Variants in CADM1 observed in about 807,000 individuals in gnomAD.
CADM1 encodes the protein TSLC-1.
Under a neutral mutation model 53.1 loss-of-function variants are expected in CADM1, and 15 were observed. That is an observed-to-expected ratio of 0.28 (90% confidence interval 0.19 to 0.44). The LOEUF (loss-of-function observed/expected upper bound fraction) is 0.44. Ranked by LOEUF, CADM1 falls within the 20% of genes least tolerant of loss-of-function variation. The pLI, the probability that CADM1 is intolerant of heterozygous loss-of-function variation, is 1.00. For synonymous variants in CADM1, 281 were observed against 243.0 expected, an observed-to-expected ratio of 1.16 and a Z score of -1.45; for missense variants, 434 against 611.3, an observed-to-expected ratio of 0.71 and a Z score of 3.06.
In CADM1 at chr11:115,175,241, C is replaced by T; in HGVS notation, c.*1233G>A. ...AATACCAGCCCTTCTTTTGTACCTC[C>T]TGCCTTTGTCAAGCCAAATCTGAAG... On this transcript the variant is annotated 3_prime_UTR_variant, in exon 12 of 12. Transcript: ENST00000331581. 3.0e-6 allele frequency: 3 copies of T among 985,822 alleles called. No individual in the cohort carries two copies. In the South Asian group the frequency reaches 1.4e-4, roughly 46 times the overall value. The allele number at this position is 985,822 out of a possible 1,614,324, so 61.1% of individuals were successfully genotyped here. A position where few individuals can be genotyped will look rare whatever the true frequency, so the allele number is the denominator to read the frequency against.
chr11:115,184,826 C>G (rs1047325994), intron 10 of CADM1, among the ~76,000 whole-genome samples: 12 of 152,362 alleles, frequency 7.9e-5, no homozygotes, highest in African/African-American at 2.9e-4. Context: ...GTACTGCACA[C>G]AGATTTTGGC....
At chr11:115,372,670 G>T (rs1037338226) in intron 1 of CADM1, among the ~76,000 whole-genome samples, 3 of 152,166 alleles carry the variant, frequency 2.0e-5, no homozygotes, top group African/African-American at 7.2e-5. Context: ...GTCATTTCCA[G>T]GCTAATTAAC....
intron 5 of CADM1, among the ~76,000 whole-genome samples, chr11:115,219,198 G>T (rs555524726): frequency 7.9e-5 from 12 of 152,100 alleles, no homozygotes; most frequent in Non-Finnish European, 1.5e-4. Flanking sequence ...ACAAGCTGTG[G>T]TTAGCTCATT....
chr11:115,218,912 G>T (rs551641176), intron 5 of CADM1, among the ~76,000 whole-genome samples: 12 of 152,250 alleles, frequency 7.9e-5, no homozygotes, highest in Non-Finnish European at 1.3e-4. Context: ...ACAGAAGTTG[G>T]AATTAACATA....
rs200501769 is a variant in CADM1, at chr11:115,310,010, TA to T, written c.125-69591del. ...TAATGCAGAATGGCATGGTACAAAC[TA>T]AAAATACCAACTTTGGCAAATGTAC... On this transcript the variant is annotated intron_variant, in intron 1 of 11. Transcript: ENST00000331581. Among the ~76,000 whole-genome samples the T allele has an allele frequency of 6.7e-3, 1,013 of 152,196 alleles. 16 individuals carry two copies. Among genetic ancestry groups the T allele is most frequent in the African/African-American group, 0.023 (968 of 41,540 alleles).
intron 1 of CADM1, among the ~76,000 whole-genome samples, chr11:115,423,916 T>G (rs1439141115): frequency 6.6e-6 from 1 of 152,204 alleles, no homozygotes; most frequent in Admixed American, 6.5e-5. Flanking sequence ...ATCTTCAGGT[T>G]GCCACAGCAA....
At chr11:115,386,209 A>G (rs546785285) in intron 1 of CADM1, among the ~76,000 whole-genome samples, 2 of 152,376 alleles carry the variant, frequency 1.3e-5, no homozygotes, top group Non-Finnish European at 2.9e-5. Flanking sequence ...AGAAAAGGAC[A>G]TGAGACTATT....
chr11:115,201,047 C>T (rs758674915), intron 8 of CADM1, among the ~76,000 whole-genome samples: 7 of 152,126 alleles, frequency 4.6e-5, no homozygotes, highest in Admixed American at 1.3e-4. Context: ...CTTCCCCGTT[C>T]TGGGGATGGG....
intron 1 of CADM1, among the ~76,000 whole-genome samples, chr11:115,414,372 T>A (rs1947537570): frequency 6.6e-6 from 1 of 152,064 alleles, no homozygotes; most frequent in African/African-American, 2.4e-5. Context: ...AGAAACCACT[T>A]AAAAAATTAA....
chr11:115,298,566 T>C (rs192526056), intron 1 of CADM1, among the ~76,000 whole-genome samples: 1 of 152,350 alleles, frequency 6.6e-6, no homozygotes, highest in African/African-American at 2.4e-5. Flanking sequence ...CGTATGTTCA[T>C]GAATCATTGA....
chr11:115,329,255 A>G (rs1945068194), intron 1 of CADM1, among the ~76,000 whole-genome samples: 1 of 152,158 alleles, frequency 6.6e-6, no homozygotes, highest in Admixed American at 6.5e-5. Context: ...AGTACCCAAG[A>G]TCAGGTCTTT....
At chr11:115,407,360 G>A (rs1947341961) in intron 1 of CADM1, among the ~76,000 whole-genome samples, 2 of 152,148 alleles carry the variant, frequency 1.3e-5, no homozygotes, top group African/African-American at 4.8e-5. Flanking sequence ...TGAACCGCTG[G>A]ATGAGTTCAA....
chr11:115,371,037 C>T (rs967703068), intron 1 of CADM1, among the ~76,000 whole-genome samples: 4 of 152,138 alleles, frequency 2.6e-5, no homozygotes, highest in Middle Eastern at 3.4e-3. Context: ...CAGCAACAGA[C>T]CCATATTTCA....
intron 1 of CADM1, among the ~76,000 whole-genome samples, chr11:115,278,620 C>T (rs1943507034): frequency 6.6e-6 from 1 of 152,220 alleles, no homozygotes; most frequent in Non-Finnish European, 1.5e-5. Context: ...TAAAGAGGTA[C>T]CACATTCCAC....
chr11:115,179,507 T>A (rs1230398709), intron 10 of CADM1, among the ~76,000 whole-genome samples: 3 of 152,234 alleles, frequency 2.0e-5, no homozygotes, highest in African/African-American at 4.8e-5. Flanking sequence ...AGGAACGACA[T>A]GTTTGGCTGG....
chr11:115,178,493 T>G lies in CADM1; in HGVS notation c.1297+151A>C, dbSNP rs868727493. ...AAGATTTCTGGTTTTGTTTTTTTTT[T>G]TTTTTTTCTCTTCTCTCTCTTCCAG... On this transcript the variant is annotated intron_variant, in intron 11 of 11. Coordinates refer to ENST00000331581, the MANE Select transcript of CADM1 (RefSeq NM_001301043.2). 2,173 of 757,250 alleles carry G rather than the reference T, an allele frequency of 2.9e-3. 65 individuals carry two copies. In the African/African-American group the frequency reaches 0.032, roughly 11 times the overall value. The allele number at this position is 757,250 out of a possible 1,614,324, so 46.9% of individuals were successfully genotyped here. A position where few individuals can be genotyped will look rare whatever the true frequency, so the allele number is the denominator to read the frequency against.
chr11:115,383,341 A>G lies in CADM1; in HGVS notation c.124+120930T>C, dbSNP rs190895347. ...GAAAGGAAATACATAAAACAGAATA[A>G]GTGAAAAGGTAACCAGCAGTTACAT... On this transcript the variant is annotated intron_variant, in intron 1 of 11. Coordinates refer to ENST00000331581, the MANE Select transcript of CADM1 (RefSeq NM_001301043.2). Among the ~76,000 whole-genome samples the G allele has an allele frequency of 4.0e-3, 605 of 152,360 alleles. 3 individuals carry two copies. Among genetic ancestry groups the G allele is most frequent in the African/African-American group, 0.014 (574 of 41,584 alleles).
intron 1 of CADM1, among the ~76,000 whole-genome samples, chr11:115,279,231 G>A (rs1943523951): frequency 6.6e-6 from 1 of 152,140 alleles, no homozygotes; most frequent in African/African-American, 2.4e-5. Flanking sequence ...ATTTCTAATT[G>A]TAATATATTA....
At chr11:115,395,983 C>A (rs969517219) in intron 1 of CADM1, among the ~76,000 whole-genome samples, 1 of 152,172 alleles carries the variant, frequency 6.6e-6, no homozygotes, top group African/African-American at 2.4e-5. Context: ...TCATCATGCA[C>A]ACAGGATCAC....
Sources: allele counts gnomAD v4.1 joint callset (sites outside exome capture counted in the v4.1 genomes callset), GRCh38; gene constraint gnomAD v4.1.1; transcripts MANE v1.5; gene names NCBI Gene and HGNC (gene_info 2026-07-23, HGNC 2026-07-21).